Variants in RNF43 observed in about 807,000 individuals in gnomAD.
RNF43 encodes ring finger protein 43.
Under a neutral mutation model 78.4 loss-of-function variants are expected in RNF43, and 37 were observed. The observed-to-expected ratio is 0.47, with a 90% CI of 0.36 to 0.62. The LOEUF is 0.62. Ranked by LOEUF, RNF43 falls within the 20% of genes least tolerant of loss-of-function variation. The pLI is 0.00. For synonymous variants in RNF43, 347 were observed against 395.0 expected (o/e 0.88, Z 1.44); for missense variants, 774 against 1,007.9 (o/e 0.77, Z 3.14).
rs201383492 is a variant in RNF43, at chr17:58,358,474, G to A, written c.1302C>T (p.Pro434=). The part of the protein sequence containing the change: ...TSQHPAACPV[P]LRRARPPDSS... ...TGTCAGGGGGCCTGGCCCGGCGTAG[G>A]GGCACTGGGCAAGCAGCAGGGTGCT... Residue 434 remains proline, a synonymous_variant, in exon 9 of 10, where the codon CCC becomes CCT. Coordinates refer to ENST00000407977, the MANE Select transcript of RNF43 (RefSeq NM_017763.6). The surrounding 1 kb of genome is among the most constrained non-coding windows in gnomAD (Gnocchi z 6.2). 136 of 1,613,840 alleles carry A rather than the reference G, an allele frequency of 8.4e-5. No individual in the cohort carries two copies. Among genetic ancestry groups the A allele is most frequent in the Non-Finnish European group, 3.0e-5 (35 of 1,179,950 alleles).
chr17:58,396,301 C>T (rs1033104688), intron 2 of RNF43, among the ~76,000 whole-genome samples: 4 of 152,056 alleles, frequency 2.6e-5, no homozygotes, highest in African/African-American at 4.8e-5. Flanking sequence ...AGAAGGACCA[C>T]CATGTAGATT....
chr17:58,415,888 G>A lies in RNF43; in HGVS notation c.-311C>T, dbSNP rs962503527. 9.0e-6 allele frequency: 4 copies of A among 442,886 alleles called. No homozygotes were observed. The highest frequency in any genetic ancestry group is 1.9e-5 in the African/African-American group (1 of 51,748). 27.4% of individuals were successfully genotyped at this position (442,886 alleles called of 1,614,324 possible). The stretch of plus-strand genomic sequence containing the variant: ...GGAATTTCCAACTTTGCTTGTGATT[G>A]AATGTCACTTCGTGAATTTGTATTA... On this transcript the variant is annotated 5_prime_UTR_variant, in exon 2 of 10. Transcript: ENST00000407977.
chr17:58,352,604 A>G (rs145661928), downstream of RNF43: 179 of 214,534 alleles, frequency 8.3e-4, no homozygotes, highest in Non-Finnish European at 1.3e-3. Context: ...CAGTGAATCC[A>G]CTGTCTCCCT....
intron 2 of RNF43, among the ~76,000 whole-genome samples, chr17:58,371,956 C>T (rs958624641): frequency 6.6e-6 from 1 of 152,216 alleles, no homozygotes; most frequent in African/African-American, 2.4e-5. Flanking sequence ...AACAAAATGT[C>T]AGAGTGCAAT....
chr17:58,354,488 C>T lies in RNF43; in HGVS notation c.*455G>A. The T allele has an allele frequency of 3.7e-6, 1 of 267,784 alleles. No homozygotes were observed. Among genetic ancestry groups the T allele is most frequent in the Non-Finnish European group, 7.4e-6 (1 of 135,912 alleles). The allele number at this position is 267,784 out of a possible 1,614,324, so 16.6% of individuals were successfully genotyped here. On this transcript the variant is annotated 3_prime_UTR_variant, in exon 10 of 10. Coordinates refer to ENST00000407977, the MANE Select transcript of RNF43 (RefSeq NM_017763.6). ...GAGGGGCCAAAGCTGGTGTTCAGAG[C>T]TCACCCAAGGAGGGAGGTGATAAGG...
At chr17:58,409,976 A>G (rs1973991521) in intron 2 of RNF43, among the ~76,000 whole-genome samples, 1 of 152,156 alleles carries the variant, frequency 6.6e-6, no homozygotes, top group Admixed American at 6.5e-5. Context: ...ACACTTTACT[A>G]TAATACAAAA....
At chr17:58,353,669 G>T, downstream of RNF43, 1 of 210,574 alleles carries the variant, frequency 4.7e-6, no homozygotes, top group East Asian at 7.1e-5. Context: ...CACAAGACCA[G>T]ACCACATTTG....
chr17:58,388,634 G>A (rs1973483870), intron 2 of RNF43, among the ~76,000 whole-genome samples: 2 of 152,146 alleles, frequency 1.3e-5, no homozygotes, highest in South Asian at 4.1e-4. Flanking sequence ...AAAGTAAATG[G>A]TGGTACAAAA....
In RNF43 at chr17:58,358,466, C is replaced by T. The variant is rs140873038; in HGVS notation, c.1310G>A (p.Arg437Gln). The T allele has an allele frequency of 1.7e-5, 27 of 1,613,732 alleles. No homozygotes were observed. The highest frequency in any genetic ancestry group is 6.7e-5 in the African/African-American group (5 of 74,922). ...HPAACPVPLRRARPPDSSGSG... is the reference protein window; with the variant it reads ...HPAACPVPLRQARPPDSSGSG... ...TCCACTGCTGTCAGGGGGCCTGGCC[C>T]GGCGTAGGGGCACTGGGCAAGCAGC... The change falls in exon 9 of 10, where the codon CGG (arginine) becomes CAG (glutamine). Residue 437 changes from arginine (R) to glutamine (Q), a missense_variant. Coordinates refer to ENST00000407977, the MANE Select transcript of RNF43 (RefSeq NM_017763.6). The surrounding 1 kb of genome is among the most constrained non-coding windows in gnomAD (Gnocchi z 6.2).
intron 2 of RNF43, among the ~76,000 whole-genome samples, chr17:58,382,257 G>A (rs1238069088): frequency 6.6e-6 from 1 of 152,118 alleles, no homozygotes. Flanking sequence ...TGAGCTCCTT[G>A]AGGTCAGGGA....
In RNF43 at chr17:58,375,356, T is replaced by C. The variant is rs568526412; in HGVS notation, c.253-4323A>G. Among the ~76,000 whole-genome samples the C allele has an allele frequency of 7.9e-5, 12 of 152,340 alleles. No homozygotes were observed. In the East Asian group the frequency reaches 2.1e-3, roughly 27 times the overall value. On this transcript the variant is annotated intron_variant, in intron 2 of 9. Transcript: ENST00000407977. Reference sequence around the variant, plus strand: ...CATGGCTTAACATTCCCATCCTATATCTCTTCCCACCTTGCGACCTATGTT... The same window carrying C: ...CATGGCTTAACATTCCCATCCTATACCTCTTCCCACCTTGCGACCTATGTT...
In RNF43 at chr17:58,358,470, GT is replaced by G. The variant is rs777681593; in HGVS notation, c.1305del (p.Arg436AlafsTer66). On this transcript the variant is annotated frameshift_variant, in exon 9 of 10. Coordinates refer to ENST00000407977, the MANE Select transcript of RNF43 (RefSeq NM_017763.6). LOFTEE classifies it high-confidence loss of function. This position sits in a 1 kb window ranked among gnomAD's most constrained non-coding sequence, Gnocchi z 6.2. ...CTGCTGTCAGGGGGCCTGGCCCGGCGTAGGGGCACTGGGCAAGCAGCAGGGT... is the reference window on the plus strand; with the variant it reads ...CTGCTGTCAGGGGGCCTGGCCCGGCGAGGGGCACTGGGCAAGCAGCAGGGT... ...SQHPAACPVP[L>X]RRARPPDSSG... 6.2e-7 allele frequency: 1 copy of G among 1,613,828 alleles called. No individual in the cohort carries two copies. The highest frequency in any genetic ancestry group is 1.3e-5 in the African/African-American group (1 of 74,948).
chr17:58,372,927 C>G (rs1312459442), intron 2 of RNF43, among the ~76,000 whole-genome samples: 1 of 152,112 alleles, frequency 6.6e-6, no homozygotes, highest in Non-Finnish European at 1.5e-5. Flanking sequence ...AGGTCTGGCA[C>G]GAAAGGGAAG....
chr17:58,409,239 A>G (rs1973975628), intron 2 of RNF43, among the ~76,000 whole-genome samples: 1 of 152,174 alleles, frequency 6.6e-6, no homozygotes, highest in Non-Finnish European at 1.5e-5. Context: ...AATGGAGTTA[A>G]TATCACCTGT....
intron 2 of RNF43, among the ~76,000 whole-genome samples, chr17:58,382,149 C>T (rs1406985264): frequency 6.6e-6 from 1 of 152,168 alleles, no homozygotes; most frequent in Non-Finnish European, 1.5e-5. Context: ...GTCAATGCTG[C>T]ATTGTGACCC....
In RNF43 at chr17:58,354,728, C is replaced by A. The variant is rs961930843; in HGVS notation, c.*215G>T. 1 of 591,534 alleles carries A rather than the reference C, an allele frequency of 1.7e-6. No individual in the cohort carries two copies. The highest frequency in any genetic ancestry group is 2.7e-5 in the Admixed American group (1 of 37,204). 36.6% of individuals were successfully genotyped at this position (591,534 alleles called of 1,614,324 possible). Reference sequence around the variant, plus strand: ...GGCTGGACATGGATTTGCTGCACTGCAGATGTTTTCTGCAGACAAGGTCTG... The same window carrying A: ...GGCTGGACATGGATTTGCTGCACTGAAGATGTTTTCTGCAGACAAGGTCTG... On this transcript the variant is annotated 3_prime_UTR_variant, in exon 10 of 10. Transcript: ENST00000407977.
At chr17:58,365,965 T>G (rs1394287389) in intron 3 of RNF43, among the ~76,000 whole-genome samples, 2 of 152,186 alleles carry the variant, frequency 1.3e-5, no homozygotes, top group Non-Finnish European at 1.5e-5. Context: ...CAGGACTCAC[T>G]GGTCAGCTGC....
At position 58,357,504 on chromosome 17, in the gene RNF43, G is replaced by A. The variant is rs2143384504; in HGVS notation, c.2272C>T (p.Pro758Ser). 1 of 1,614,212 alleles carries A rather than the reference G, an allele frequency of 6.2e-7. No homozygotes were observed. Among genetic ancestry groups the A allele is most frequent in the Non-Finnish European group, 8.5e-7 (1 of 1,180,040 alleles). Residue 758 changes from proline to serine, a missense_variant, in exon 9 of 10, where the codon CCT becomes TCT. Coordinates refer to ENST00000407977, the MANE Select transcript of RNF43 (RefSeq NM_017763.6). The surrounding 1 kb of genome is among the most constrained non-coding windows in gnomAD (Gnocchi z 4.5). ...SSDTAEGRPC[P>S]YPHCQVLSAQ... is the part of the protein sequence containing the mutation. The stretch of plus-strand genomic sequence containing the variant: ...GACAGCACCTGGCAGTGCGGATAAG[G>A]GCATGGCCTGCCCTCTGCGGTGTCA...
rs553011027 is a variant in RNF43 at position 58,359,985 on chromosome 17, C to T, written c.952+164G>A. ...ATAAAGATATTTACATTTTGAATGACGCTTCCCCTCGAGTGAGGCACTCTG... is the reference window on the plus strand; with the variant it reads ...ATAAAGATATTTACATTTTGAATGATGCTTCCCCTCGAGTGAGGCACTCTG... On this transcript the variant is annotated intron_variant, in intron 8 of 9. Transcript: ENST00000407977. Among the ~76,000 whole-genome samples the T allele has an allele frequency of 8.9e-4, 135 of 152,174 alleles. 1 individual carries two copies. The highest frequency in any genetic ancestry group is 3.1e-3 in the African/African-American group (129 of 41,520).
Sources: gnomAD v4.1 joint callset for allele counts (sites outside exome capture counted in the v4.1 genomes callset) on GRCh38, gnomAD v4.1.1 for gene constraint, Gnocchi (gnomAD v3.1) non-coding constraint, MANE v1.5 for transcripts, NCBI Gene and HGNC (gene_info 2026-07-23, HGNC 2026-07-21) for gene names.